Variants in DPH6 observed in about 807,000 individuals in gnomAD.
DPH6 encodes diphthamine biosynthesis 6, also known as diphthine--ammonia ligase.
In DPH6, 33 loss-of-function variants were observed where a neutral mutation model predicts 38.2. The observed-to-expected ratio is 0.86, with a 90% CI of 0.65 to 1.15. DPH6 has a LOEUF of 1.15. Among genes scored for constraint, DPH6 ranks in the 50% most tolerant of loss-of-function variants. The pLI is 0.00. For missense variants in DPH6, 325 were observed against 320.0 expected (o/e 1.02, Z -0.12); for synonymous variants, 108 against 103.0 (o/e 1.05, Z -0.30).
the DPH6 span, among the ~76,000 whole-genome samples, chr15:35,179,717 A>T: frequency 2.6e-5 from 4 of 152,104 alleles, no homozygotes; most frequent in African/African-American, 9.7e-5. Context: ...AGGGGATGCT[A>T]GGATGGCCCT....
At position 35,391,807 on chromosome 15, in the gene DPH6, C is replaced by T. The variant is rs184565093; in HGVS notation, c.568-9891G>A. ...GCGCTTCCCAGGTGAGGTGATGCCT[C>T]GCCCTGCTTTGGCTCATGCATGGTG... is the stretch of plus-strand genomic sequence containing the variant. On this transcript the variant is annotated intron_variant, in intron 6 of 8. Coordinates refer to ENST00000256538, the MANE Select transcript of DPH6 (RefSeq NM_080650.4). Among the ~76,000 whole-genome samples the T allele has an allele frequency of 2.0e-3, 304 of 152,312 alleles. 1 individual carries two copies. Among genetic ancestry groups the T allele is most frequent in the Non-Finnish European group, 3.3e-3 (224 of 68,012 alleles).
chr15:35,443,265 T>C (rs1316548053), intron 5 of DPH6, among the ~76,000 whole-genome samples: 1 of 152,186 alleles, frequency 6.6e-6, no homozygotes, highest in East Asian at 1.9e-4. Context: ...ATAATATCTA[T>C]ATCTATTGGT....
At chr15:35,334,432 AG>A (rs1254091407) in intron 3 of DPH6, among the ~76,000 whole-genome samples, 1 of 151,936 alleles carries the variant, frequency 6.6e-6, no homozygotes, top group Non-Finnish European at 1.5e-5. Context: ...GTAAATGTGC[AG>A]GATGTGCAGG....
At chr15:35,483,585 T>C (rs957417190) in intron 3 of DPH6, among the ~76,000 whole-genome samples, 30 of 151,948 alleles carry the variant, frequency 2.0e-4, no homozygotes, top group Admixed American at 1.8e-3. Flanking sequence ...GGAGGAAACA[T>C]TTATCCATTG....
chr15:35,439,305 G>A (rs894521163), intron 5 of DPH6, among the ~76,000 whole-genome samples: 1 of 152,146 alleles, frequency 6.6e-6, no homozygotes, highest in African/African-American at 2.4e-5. Context: ...CAGAGTCAAG[G>A]CAACTTATTT....
chr15:35,374,528 T>A (rs16960833), intron 7 of DPH6, among the ~76,000 whole-genome samples: 1 of 152,004 alleles, frequency 6.6e-6, no homozygotes, highest in Non-Finnish European at 1.5e-5. Flanking sequence ...TGGCTCCAAA[T>A]TATTAAACTT....
chr15:35,244,884 C>T (rs994868981), intron 3 of DPH6, among the ~76,000 whole-genome samples: 5 of 152,144 alleles, frequency 3.3e-5, no homozygotes, highest in Non-Finnish European at 7.3e-5. Flanking sequence ...ATTTGATTTT[C>T]TTATTTGTAA....
chr15:35,443,811 T>C (rs541687098), intron 5 of DPH6, among the ~76,000 whole-genome samples: 2 of 152,240 alleles, frequency 1.3e-5, no homozygotes, highest in African/African-American at 4.8e-5. Context: ...TGCAGAAACA[T>C]AAGGATATGT....
chr15:35,382,452 C>CACAA (rs2052883430), intron 6 of DPH6, among the ~76,000 whole-genome samples: 1 of 150,272 alleles, frequency 6.7e-6, no homozygotes, highest in South Asian at 2.1e-4. Context: ...AAAAACAAAA[C>CACAA]ACACACACAC....
rs529619021 is a variant in DPH6, at chr15:35,406,056, T to C, written c.567+4779A>G. 5.3e-4 allele frequency among the ~76,000 whole-genome samples: 81 copies of C among 152,108 alleles called. No individual in the cohort carries two copies. In the South Asian group the frequency reaches 5.6e-3, roughly 11 times the overall value. ...AATTTTATATTTAATACACACTATT[T>C]AAAAGAAAAAATAGTATGATAAATA... On this transcript the variant is annotated intron_variant, in intron 6 of 8. Coordinates refer to ENST00000256538, the MANE Select transcript of DPH6 (RefSeq NM_080650.4).
At chr15:35,452,620 C>A (rs989678415) in intron 4 of DPH6, among the ~76,000 whole-genome samples, 5 of 152,066 alleles carry the variant, frequency 3.3e-5, no homozygotes, top group Non-Finnish European at 7.4e-5. Flanking sequence ...TTCAAAAAAC[C>A]AAAACCTTCC....
Position 35,403,672 on chromosome 15 carries a change from T to A in DPH6, c.567+7163A>T, listed in dbSNP as rs762722569. Among the ~76,000 whole-genome samples, 3 of 152,014 alleles carry A rather than the reference T, an allele frequency of 2.0e-5. 1 individual carries two copies. The highest frequency in any genetic ancestry group is 4.4e-5 in the Non-Finnish European group (3 of 67,974). On this transcript the variant is annotated intron_variant, in intron 6 of 8. Coordinates refer to ENST00000256538, the MANE Select transcript of DPH6 (RefSeq NM_080650.4). The stretch of plus-strand genomic sequence containing the variant: ...ATAGGCATGTGCCACCATGCTTGGC[T>A]AGTTTTTTCATATTTTTTGTAGTCG...
intron 3 of DPH6, among the ~76,000 whole-genome samples, chr15:35,271,652 T>G (rs936190248): frequency 1.3e-5 from 2 of 152,218 alleles, no homozygotes; most frequent in Non-Finnish European, 2.9e-5. Flanking sequence ...AGGGCAAAGC[T>G]GACCCACGAT....
At chr15:35,197,371 T>C in the DPH6 span, among the ~76,000 whole-genome samples, 3 of 152,190 alleles carry the variant, frequency 2.0e-5, no homozygotes, top group Admixed American at 6.5e-5. Flanking sequence ...TTTTGCTTAA[T>C]ATTTACAAAA....
intron 3 of DPH6, among the ~76,000 whole-genome samples, chr15:35,463,181 T>A (rs1170612542): frequency 6.6e-6 from 1 of 152,056 alleles, no homozygotes; most frequent in African/African-American, 2.4e-5. Context: ...AATACTCAGA[T>A]TAAAAGTTGA....
At chr15:35,364,514 T>A (rs926788714) in intron 3 of DPH6, among the ~76,000 whole-genome samples, 2 of 152,108 alleles carry the variant, frequency 1.3e-5, no homozygotes, top group African/African-American at 2.4e-5. Flanking sequence ...AACAGATTAC[T>A]GTCATCCTGG....
At chr15:35,412,076 A>T in intron 5 of DPH6, among the ~76,000 whole-genome samples, 1 of 151,818 alleles carries the variant, frequency 6.6e-6, no homozygotes. Context: ...TAAAAGCCAC[A>T]GACTGGGAGA....
chr15:35,175,128 T>G, the DPH6 span, among the ~76,000 whole-genome samples: 1 of 152,222 alleles, frequency 6.6e-6, no homozygotes, highest in Non-Finnish European at 1.5e-5. Context: ...ATAGCCTTTT[T>G]GTATACCAAT....
Position 35,372,086 on chromosome 15 carries a change from A to G in DPH6, c.*64T>C, listed in dbSNP as rs2052719620. On this transcript the variant is annotated 3_prime_UTR_variant, in exon 9 of 9. Coordinates refer to ENST00000256538, the MANE Select transcript of DPH6 (RefSeq NM_080650.4). ...AAATAAACTAGTCATAGTAACTGAG[A>G]AAATACTATGCAATTTTTTTGTATA... 6.7e-7 allele frequency: 1 copy of G among 1,481,740 alleles called. No individual in the cohort carries two copies. Among genetic ancestry groups the G allele is most frequent in the Non-Finnish European group, 8.9e-7 (1 of 1,121,020 alleles). 91.8% of individuals were successfully genotyped at this position (1,481,740 alleles called of 1,614,324 possible). A position where few individuals can be genotyped will look rare whatever the true frequency, so the allele number is the denominator to read the frequency against.
Sources: gnomAD v4.1 joint callset for allele counts (sites outside exome capture counted in the v4.1 genomes callset) on GRCh38, gnomAD v4.1.1 for gene constraint, MANE v1.5 for transcripts, NCBI Gene and HGNC (gene_info 2026-07-23, HGNC 2026-07-21) for gene names.